The following TRIM46 variants were observed in gnomAD, a reference collection of about 807,000 sequenced individuals.
TRIM46 encodes tripartite motif containing 46, also known as tripartite motif-containing protein 46.
A neutral mutation model predicts 69.7 loss-of-function variants in TRIM46; 17 were observed. That is an observed-to-expected ratio of 0.24 (90% CI 0.17 to 0.37). The LOEUF is 0.37. TRIM46 is among the 10% of genes least tolerant of loss of function. The pLI, the probability that TRIM46 is intolerant of heterozygous loss-of-function variation, is 1.00. For missense variants in TRIM46, 675 were observed against 1,025.1 expected, an observed-to-expected ratio of 0.66 and a Z score of 4.66; for synonymous variants, 391 against 429.0, an observed-to-expected ratio of 0.91 and a Z score of 1.09.
At position 155,177,240 on chromosome 1, in the gene TRIM46, AC is replaced by A; in HGVS notation, c.860del (p.Thr287ArgfsTer13). ...SLTYILGNQD[T>X]VQTQICELEE... The stretch of plus-strand genomic sequence containing the variant: ...GACATACATCCTGGGAAACCAGGAC[AC>A]GGTACAGACCCAGATCTGTGAGCTG... On this transcript the variant is annotated frameshift_variant, in exon 5 of 10. Coordinates refer to ENST00000334634, the MANE Select transcript of TRIM46 (RefSeq NM_025058.5). LOFTEE classifies it high-confidence loss of function. The A allele has an allele frequency of 6.2e-7, 1 of 1,614,160 alleles. No individual in the cohort carries two copies. The highest frequency in any genetic ancestry group is 8.5e-7 in the Non-Finnish European group (1 of 1,180,018).
rs1413971624 is a variant in TRIM46, at chr1:155,181,599, C to T, written c.1589-253C>T. Reference sequence around the variant, plus strand: ...GGGAGCCCCATGAGTCAGCCAGGTCCGGAGCACTGACTTCTGTGCCCACTG... The same window carrying T: ...GGGAGCCCCATGAGTCAGCCAGGTCTGGAGCACTGACTTCTGTGCCCACTG... On this transcript the variant is annotated intron_variant, in intron 8 of 9. Transcript: ENST00000334634. This position sits in a 1 kb window ranked among gnomAD's most constrained non-coding sequence, Gnocchi z 4.3. 6.6e-6 allele frequency among the ~76,000 whole-genome samples: 1 copy of T among 152,118 alleles called. No individual in the cohort carries two copies. Among genetic ancestry groups the T allele is most frequent in the Non-Finnish European group, 1.5e-5 (1 of 68,016 alleles).
intron 7 of TRIM46, chr1:155,178,974 G>T (rs761625453): frequency 1.6e-6 from 1 of 612,576 alleles, no homozygotes; most frequent in Non-Finnish European, 2.6e-6. Context: ...CGACCTCGTG[G>T]TCCTCCCACT....
intron 7 of TRIM46, 41 bp from the exon 8 acceptor site, chr1:155,179,591 G>A (rs1441267658): frequency 1.3e-6 from 2 of 1,540,518 alleles, no homozygotes; most frequent in Admixed American, 3.7e-5. Flanking sequence ...TGCCAGGCCA[G>A]TGGCCAGGCC....
In TRIM46 at chr1:155,175,503, T is replaced by C; in HGVS notation, c.181T>C (p.Leu61=). 6.2e-7 allele frequency: 1 copy of C among 1,614,140 alleles called. No individual in the cohort carries two copies. The stretch of plus-strand genomic sequence containing the variant: ...GTGCCAGGCCTGTGCCCGAGAGGTC[T>C]TGGGCCAGCAGGGCTACATAGGACA... ...NVCQACAREV[L]GQQGYIGHGG... is the part of the protein sequence containing the mutation. Residue 61 remains leucine (L), a synonymous_variant, in exon 2 of 10, where the codon TTG becomes CTG. Coordinates refer to ENST00000334634, the MANE Select transcript of TRIM46 (RefSeq NM_025058.5). This position sits in a 1 kb window ranked among gnomAD's most constrained non-coding sequence, Gnocchi z 4.2.
In TRIM46 at chr1:155,183,728, G is replaced by A. The variant is rs559932015; in HGVS notation, c.1887-69G>A. On this transcript the variant is annotated intron_variant, in intron 9 of 9. Transcript: ENST00000334634. ...CTCCTTAACATTCCATCCTTCCAGC[G>A]TCTCCCTCTGGTACCTCATCCGTCA... 692 of 1,570,084 alleles carry A rather than the reference G, an allele frequency of 4.4e-4. No homozygotes were observed. The Middle Eastern group carries it at 9.7e-3, about 22-fold the overall frequency.
At chr1:155,177,966 A>C (rs770536155) in intron 5 of TRIM46, 36 bp from the exon 6 acceptor site, 1 of 1,599,276 alleles carries the variant, frequency 6.3e-7, no homozygotes, top group Non-Finnish European at 8.5e-7. Context: ...AGAAGATAGT[A>C]AGTCACGCAT....
At chr1:155,177,879 A>G in intron 5 of TRIM46, 123 bp from the exon 6 acceptor site, 1 of 1,388,584 alleles carries the variant, frequency 7.2e-7, no homozygotes, top group Non-Finnish European at 9.7e-7. Flanking sequence ...ATGGGTGAGT[A>G]GGATTTCCCC....
At position 155,176,037 on chromosome 1, in the gene TRIM46, C is replaced by T. The variant is rs901672806; in HGVS notation, c.475C>T (p.Arg159Trp). Reference protein sequence around the residue: ...RNLTLERVVERYRQSVSVGGA... With the variant: ...RNLTLERVVEWYRQSVSVGGA... The stretch of plus-strand genomic sequence containing the variant: ...CCTGACCCTGGAGCGTGTGGTGGAG[C>T]GGTACCGCCAGAGTGTGAGTGTGGG... The change falls in exon 3 of 10, where the codon CGG (arginine) becomes TGG (tryptophan). Residue 159 changes from arginine (R) to tryptophan (W), a missense_variant. Arg to Trp is a moderately radical substitution (Grantham distance 101). Around this residue, in one of 5 missense-constraint regions of TRIM46, gnomAD observed 170 missense variants for 255.6 expected, o/e 0.67. Coordinates refer to ENST00000334634, the MANE Select transcript of TRIM46 (RefSeq NM_025058.5). 24 of 1,613,994 alleles carry T rather than the reference C, an allele frequency of 1.5e-5. No individual in the cohort carries two copies. Among genetic ancestry groups the T allele is most frequent in the Non-Finnish European group, 1.9e-5 (23 of 1,179,984 alleles).
At chr1:155,178,745 C>A in intron 7 of TRIM46, 132 bp downstream of exon 7, 2 of 1,416,156 alleles carry the variant, frequency 1.4e-6, no homozygotes, top group Admixed American at 2.0e-5. Flanking sequence ...TTCCTCCCAC[C>A]CAGCCCACCC....
chr1:155,174,555 C>A (rs867616246), intron 1 of TRIM46: 1 of 1,475,836 alleles, frequency 6.8e-7, no homozygotes, highest in Non-Finnish European at 8.9e-7. Context: ...GTGTTCCCCC[C>A]CACCACTTCC....
At chr1:155,179,505 C>T (rs955250928) in intron 7 of TRIM46, 127 bp from the exon 8 acceptor site, 4 of 809,890 alleles carry the variant, frequency 4.9e-6, no homozygotes. Context: ...ATGAGCCCTT[C>T]CCCAGCTCCC....
At position 155,175,504 on chromosome 1, in the gene TRIM46, T is replaced by C. The variant is rs1373388332; in HGVS notation, c.182T>C (p.Leu61Ser). 1 of 1,613,986 alleles carries C rather than the reference T, an allele frequency of 6.2e-7. No individual in the cohort carries two copies. Among genetic ancestry groups the C allele is most frequent in the African/African-American group, 1.3e-5 (1 of 74,920 alleles). The change falls in exon 2 of 10, where the codon TTG (leucine) becomes TCG (serine). Residue 61 changes from leucine to serine, a missense_variant. Transcript: ENST00000334634. The surrounding 1 kb of genome is among the most constrained non-coding windows in gnomAD (Gnocchi z 4.2). ...TGCCAGGCCTGTGCCCGAGAGGTCTTGGGCCAGCAGGGCTACATAGGACAT... is the reference window on the plus strand; with the variant it reads ...TGCCAGGCCTGTGCCCGAGAGGTCTCGGGCCAGCAGGGCTACATAGGACAT... ...NVCQACAREV[L>S]GQQGYIGHGG...
Position 155,178,621 on chromosome 1 carries a change from G to A in TRIM46, c.1285+8G>A. The A allele has an allele frequency of 6.2e-7, 1 of 1,611,958 alleles. No homozygotes were observed. The highest frequency in any genetic ancestry group is 8.5e-7 in the Non-Finnish European group (1 of 1,179,914). On this transcript the variant is annotated splice_region_variant and intron_variant, in intron 7 of 9. Transcript: ENST00000334634. ...AGCTTAACTTCCTGCGAGGTAAGGA[G>A]ATGGCCAGGCCCCATGCCCAACCAG...
chr1:155,182,537 C>G, intron 9 of TRIM46: 2 of 334,810 alleles, frequency 6.0e-6, no homozygotes. Context: ...CTCCTTCACC[C>G]GTATCTTAAA....
chr1:155,179,087 C>T (rs1665938091), intron 7 of TRIM46, among the ~76,000 whole-genome samples: 1 of 152,366 alleles, frequency 6.6e-6, no homozygotes, highest in East Asian at 1.9e-4. Context: ...CCTTGCACTT[C>T]CTTTCCCTTG....
intron 1 of TRIM46, chr1:155,174,535 G>C (rs1665454569): frequency 1.4e-6 from 2 of 1,462,016 alleles, no homozygotes; most frequent in Admixed American, 2.5e-5. Context: ...TCCCAGGGGC[G>C]GTGCCAACCG....
At chr1:155,174,570 C>A in intron 1 of TRIM46, 1 of 1,513,268 alleles carries the variant, frequency 6.6e-7, no homozygotes, top group Non-Finnish European at 8.8e-7. Flanking sequence ...ACTTCCTCCC[C>A]CCCTCCTTGT....
Position 155,175,049 on chromosome 1 carries a change from G to A in TRIM46, c.64-337G>A. ...GCGGTGTCCTTGAGAAAAATGCCAGGGGCAAGCTGCCCAGAGATGGGGGAT... is the reference window on the plus strand; with the variant it reads ...GCGGTGTCCTTGAGAAAAATGCCAGAGGCAAGCTGCCCAGAGATGGGGGAT... On this transcript the variant is annotated intron_variant, in intron 1 of 9. Transcript: ENST00000334634. This position sits in a 1 kb window ranked among gnomAD's most constrained non-coding sequence, Gnocchi z 4.2. The A allele has an allele frequency of 7.3e-7, 1 of 1,371,132 alleles. No homozygotes were observed. Among genetic ancestry groups the A allele is most frequent in the Middle Eastern group, 2.7e-4 (1 of 3,764 alleles). The allele number at this position is 1,371,132 out of a possible 1,614,324, so 84.9% of individuals were successfully genotyped here. A position where few individuals can be genotyped will look rare whatever the true frequency, so the allele number is the denominator to read the frequency against.
intron 7 of TRIM46, 199 bp downstream of exon 7, chr1:155,178,812 G>A: frequency 6.7e-7 from 1 of 1,487,564 alleles, no homozygotes; most frequent in Non-Finnish European, 8.9e-7. Flanking sequence ...TTTGTAGGCT[G>A]TGGCCACCGC....
Sources: allele counts gnomAD v4.1 joint callset (sites outside exome capture counted in the v4.1 genomes callset), GRCh38; gene constraint gnomAD v4.1.1; regional missense constraint gnomAD v4.1.1; non-coding constraint Gnocchi (gnomAD v3.1); transcripts MANE v1.5; gene names NCBI Gene and HGNC (gene_info 2026-07-23, HGNC 2026-07-21).